The following PRR14L variants were observed in gnomAD, a reference collection of about 807,000 sequenced individuals.
PRR14L encodes protein PRR14L.
PRR14L carries 80 observed loss-of-function variants against 155.0 expected under a neutral mutation model. That is an observed-to-expected ratio of 0.52 (90% CI 0.43 to 0.62). The LOEUF (loss-of-function observed/expected upper bound fraction) is 0.62, where lower values mean the gene tolerates loss of function less well. Among genes scored for constraint, PRR14L ranks in the 20% least tolerant of loss-of-function variants. The pLI is 0.00. For missense variants in PRR14L, 2,469 were observed against 2,548.0 expected, an observed-to-expected ratio of 0.97 and a Z score of 0.67; for synonymous variants, 883 against 916.0, an observed-to-expected ratio of 0.96 and a Z score of 0.65.
intron 1 of PRR14L, among the ~76,000 whole-genome samples, chr22:31,748,814 G>A (rs1432080571): frequency 6.6e-6 from 1 of 152,196 alleles, no homozygotes; most frequent in Non-Finnish European, 1.5e-5. Flanking sequence ...GCACAGACCT[G>A]TTTCCAAAAG....
intron 1 of PRR14L, among the ~76,000 whole-genome samples, chr22:31,740,041 T>A (rs1231942721): frequency 6.6e-6 from 1 of 151,808 alleles, no homozygotes; most frequent in African/African-American, 2.4e-5. Context: ...CAGAAATGGG[T>A]CAGCCAGATA....
rs2074653786 is a variant in PRR14L at position 31,715,659 on chromosome 22, G to A, written c.2180C>T (p.Ser727Phe). The A allele has an allele frequency of 6.4e-7, 1 of 1,552,086 alleles. No individual in the cohort carries two copies. Among genetic ancestry groups the A allele is most frequent in the Non-Finnish European group, 8.7e-7 (1 of 1,147,044 alleles). ...GATGTTTAAGGTGGGACAGTTTGAA[G>A]AGGCACCACAGGTTTGGTTACCTGG... is the stretch of plus-strand genomic sequence containing the variant. ...SPPGNQTCGA[S>F]SNCPTLNIKP... Residue 727 changes from serine to phenylalanine, a missense_variant, in exon 4 of 9, where the codon TCT (serine) becomes TTT (phenylalanine). Around this residue, in one of 2 missense-constraint regions of PRR14L, gnomAD observed 2,363 missense variants for 2,371.6 expected, o/e 1.00. Coordinates refer to ENST00000327423, the MANE Select transcript of PRR14L (RefSeq NM_173566.3).
intron 2 of PRR14L, among the ~76,000 whole-genome samples, chr22:31,729,305 G>A (rs1338705124): frequency 3.3e-5 from 5 of 152,180 alleles, no homozygotes; most frequent in African/African-American, 4.8e-5. Flanking sequence ...TCCACATCCC[G>A]GGTTCACGCC....
rs897265038 is a variant in PRR14L, at chr22:31,681,726, G to A, written c.*3801C>T. The stretch of plus-strand genomic sequence containing the variant: ...AATAGCTTTTGCTGCTTGATTTGTG[G>A]CTAGACGGTAACATTAAACTGTAAT... On this transcript the variant is annotated 3_prime_UTR_variant, in exon 9 of 9. Transcript: ENST00000327423. 4 of 152,132 alleles carry A rather than the reference G, an allele frequency of 2.6e-5. No homozygotes were observed. The highest frequency in any genetic ancestry group is 6.5e-5 in the Admixed American group (1 of 15,270). 9.4% of individuals were successfully genotyped at this position (152,132 alleles called of 1,614,324 possible).
chr22:31,726,107 T>C (rs971805649), intron 2 of PRR14L, among the ~76,000 whole-genome samples: 1 of 151,988 alleles, frequency 6.6e-6, no homozygotes, highest in Admixed American at 6.6e-5. Context: ...AATTTGAGCC[T>C]GAAAACTTTT....
rs1254954909 is a variant in PRR14L, at chr22:31,747,823, AC to A, written c.-52+2169del. Among the ~76,000 whole-genome samples the A allele has an allele frequency of 2.4e-3, 361 of 151,454 alleles. 3 individuals carry two copies. Among genetic ancestry groups the A allele is most frequent in the African/African-American group, 7.4e-3 (305 of 41,312 alleles). On this transcript the variant is annotated intron_variant, in intron 1 of 8. Coordinates refer to ENST00000327423, the MANE Select transcript of PRR14L (RefSeq NM_173566.3). ...CCTATCCCACCAAAAAAAAAAAAAA[AC>A]AAAAACAGGAAAACAAACCTACCAG...
intron 1 of PRR14L, among the ~76,000 whole-genome samples, chr22:31,741,339 G>A (rs1447390677): frequency 6.6e-6 from 1 of 151,070 alleles, no homozygotes; most frequent in Non-Finnish European, 1.5e-5. Flanking sequence ...GCAGGCTCCT[G>A]TAATCCCAGC....
At chr22:31,705,867 G>T (rs955834399) in intron 4 of PRR14L, among the ~76,000 whole-genome samples, 1 of 151,814 alleles carries the variant, frequency 6.6e-6, no homozygotes, top group African/African-American at 2.4e-5. Flanking sequence ...TGGGTGTGGT[G>T]GTGGGTACTT....
At chr22:31,748,647 G>T (rs372371092) in intron 1 of PRR14L, among the ~76,000 whole-genome samples, 2 of 147,646 alleles carry the variant, frequency 1.4e-5, no homozygotes, top group South Asian at 2.1e-4. Flanking sequence ...TCGCCCACTT[G>T]GGGGGGTGGG....
intron 2 of PRR14L, among the ~76,000 whole-genome samples, chr22:31,731,522 C>G (rs992425914): frequency 7.3e-6 from 1 of 137,148 alleles, no homozygotes; most frequent in Non-Finnish European, 1.5e-5. Context: ...GAGCCAAGAT[C>G]GCACCACTGC....
At chr22:31,686,778 A>G (rs1454496437) in intron 8 of PRR14L, among the ~76,000 whole-genome samples, 1 of 152,100 alleles carries the variant, frequency 6.6e-6, no homozygotes, top group African/African-American at 2.4e-5. Flanking sequence ...TTCCATTATA[A>G]GGAATTAATT....
intron 3 of PRR14L, among the ~76,000 whole-genome samples, chr22:31,718,858 G>C (rs151052314): frequency 6.6e-6 from 1 of 152,112 alleles, no homozygotes; most frequent in African/African-American, 2.4e-5. Flanking sequence ...TGGATCACAC[G>C]AGGTCAGGAG....
chr22:31,712,376 G>A lies in PRR14L; in HGVS notation c.5463C>T (p.His1821=). The A allele has an allele frequency of 6.2e-7, 1 of 1,611,068 alleles. No homozygotes were observed. The highest frequency in any genetic ancestry group is 8.5e-7 in the Non-Finnish European group (1 of 1,178,458). ...CTGGGGAACAAAGTGCTAGAAGTGT[G>A]TGAAGGCCAAGGACAGAGCAGTCTG... The part of the protein sequence containing the change: ...TRADCSVLGL[H]TLLALCSPGC... Residue 1821 remains histidine (H), a synonymous_variant, in exon 4 of 9, where the codon CAC becomes CAT. Coordinates refer to ENST00000327423, the MANE Select transcript of PRR14L (RefSeq NM_173566.3).
chr22:31,737,167 C>T (rs1414078342), intron 2 of PRR14L, among the ~76,000 whole-genome samples: 2 of 151,622 alleles, frequency 1.3e-5, no homozygotes, highest in Non-Finnish European at 2.9e-5. Flanking sequence ...GTCCGCTGGA[C>T]AGGTACATTC....
At position 31,714,556 on chromosome 22, in the gene PRR14L, T is replaced by C; in HGVS notation, c.3283A>G (p.Thr1095Ala). 6.4e-7 allele frequency: 1 copy of C among 1,552,002 alleles called. No individual in the cohort carries two copies. Among genetic ancestry groups the C allele is most frequent in the Non-Finnish European group, 8.7e-7 (1 of 1,147,060 alleles). ...KLAFQEDSRS[T>A]LSRRELDAAH... ...GCATCCAGTTCTCTCCGAGACAAGGTACTCCTGGAGTCCTCTTGAAATGCC... is the reference window on the plus strand; with the variant it reads ...GCATCCAGTTCTCTCCGAGACAAGGCACTCCTGGAGTCCTCTTGAAATGCC... The change falls in exon 4 of 9, where the codon ACC becomes GCC. Residue 1095 changes from threonine (T) to alanine (A), a missense_variant. Around this residue, in one of 2 missense-constraint regions of PRR14L, gnomAD observed 2,363 missense variants for 2,371.6 expected, o/e 1.00. Coordinates refer to ENST00000327423, the MANE Select transcript of PRR14L (RefSeq NM_173566.3).
chr22:31,688,709 GC>G (rs1194957779), intron 7 of PRR14L, among the ~76,000 whole-genome samples: 2 of 151,914 alleles, frequency 1.3e-5, no homozygotes, highest in Non-Finnish European at 2.9e-5. Context: ...TGTTTGTGCT[GC>G]TTTGCAATGT....
intron 6 of PRR14L, 98 bp from the exon 7 acceptor site, chr22:31,701,860 T>C: frequency 1.3e-5 from 11 of 879,762 alleles, no homozygotes; most frequent in Non-Finnish European, 1.8e-5. Flanking sequence ...CAGGCTGGTG[T>C]GAAGTGGTGC....
intron 7 of PRR14L, among the ~76,000 whole-genome samples, chr22:31,697,275 C>G (rs1187350991): frequency 7.1e-6 from 1 of 140,076 alleles, no homozygotes; most frequent in East Asian, 2.0e-4. Context: ...GCACTCCAGC[C>G]TGGGTGGCAC....
Position 31,712,884 on chromosome 22 carries a change from T to C in PRR14L, c.4955A>G (p.Lys1652Arg). ...CAGGAGTCTTTTATATCTGAGGCGC[T>C]TGTAGCTTTTAGCCATTGGAAGAAG... Reference protein sequence around the residue: ...SELLPMAKSYKRLRYKRLLDG... With the variant: ...SELLPMAKSYRRLRYKRLLDG... Residue 1652 changes from lysine to arginine, a missense_variant, in exon 4 of 9, where the codon AAG becomes AGG. Lys to Arg is a conservative substitution (Grantham distance 26, BLOSUM62 2). This residue lies in a region of PRR14L where 2,363 missense variants were observed against 2,371.6 expected (regional missense o/e 1.00). Coordinates refer to ENST00000327423, the MANE Select transcript of PRR14L (RefSeq NM_173566.3). 2.6e-6 allele frequency: 4 copies of C among 1,551,898 alleles called. No homozygotes were observed. Among genetic ancestry groups the C allele is most frequent in the Non-Finnish European group, 3.5e-6 (4 of 1,147,030 alleles).
Sources: gnomAD v4.1 joint callset for allele counts (sites outside exome capture counted in the v4.1 genomes callset) on GRCh38, gnomAD v4.1.1 for gene constraint, gnomAD v4.1.1 regional missense constraint, MANE v1.5 for transcripts, NCBI Gene and HGNC (gene_info 2026-07-23, HGNC 2026-07-21) for gene names.